TBC1D4: variants seen among roughly 807,000 people sequenced by gnomAD.
TBC1D4 encodes TBC1 domain family member 4, also known as TBC (Tre-2, BUB2, CDC16) domain-containing protein.
Under a neutral mutation model 142.5 loss-of-function variants are expected in TBC1D4, and 121 were observed. That is an observed-to-expected ratio of 0.85 (90% CI 0.73 to 0.99). TBC1D4 has a LOEUF of 0.99. TBC1D4 is among the 50% of genes least tolerant of loss of function. The pLI is 0.00. For missense variants in TBC1D4, 1,475 were observed against 1,606.6 expected (o/e 0.92, Z 1.40); for synonymous variants, 630 against 628.2 (o/e 1.00, Z -0.04).
At chr13:75,327,871 T>C (rs1443735831) in intron 8 of TBC1D4, 45 bp from the exon 9 acceptor site, 1 of 1,597,998 alleles carries the variant, frequency 6.3e-7, no homozygotes, top group South Asian at 1.1e-5. Flanking sequence ...GATTTAAAAT[T>C]TTACTTCAAA....
intron 1 of TBC1D4, among the ~76,000 whole-genome samples, chr13:75,411,051 A>G (rs185750013): frequency 1.3e-5 from 2 of 152,028 alleles, no homozygotes; most frequent in African/African-American, 2.4e-5. Flanking sequence ...GCTAAAGCTT[A>G]TCAGGCCACA....
At chr13:75,450,499 T>C (rs540755295) in intron 1 of TBC1D4, among the ~76,000 whole-genome samples, 2 of 152,188 alleles carry the variant, frequency 1.3e-5, no homozygotes, top group Non-Finnish European at 2.9e-5. Flanking sequence ...TCCAGGAAAT[T>C]TCAAATAGAA....
chr13:75,447,923 G>T (rs1316939249), intron 1 of TBC1D4, among the ~76,000 whole-genome samples: 1 of 152,122 alleles, frequency 6.6e-6, no homozygotes, highest in Admixed American at 6.5e-5. Flanking sequence ...CCAGCTCAGG[G>T]TTCCCACTGA....
chr13:75,306,851 AAT>A (rs909043221), intron 14 of TBC1D4, among the ~76,000 whole-genome samples: 6 of 152,230 alleles, frequency 3.9e-5, no homozygotes, highest in Non-Finnish European at 8.8e-5. Flanking sequence ...TGATTTGAAA[AAT>A]ATATGACCAT....
intron 8 of TBC1D4, among the ~76,000 whole-genome samples, chr13:75,329,398 C>T (rs1301157835): frequency 6.6e-6 from 1 of 151,696 alleles, no homozygotes; most frequent in African/African-American, 2.4e-5. Context: ...CCTCCCCTCC[C>T]CTTCCCTCCC....
chr13:75,308,564 C>A (rs1877408121), intron 14 of TBC1D4, among the ~76,000 whole-genome samples: 1 of 152,264 alleles, frequency 6.6e-6, no homozygotes, highest in Middle Eastern at 3.4e-3. Context: ...CTGAAACCAC[C>A]TTTTGATATT....
chr13:75,346,956 CATTT>C lies in TBC1D4; in HGVS notation c.1408+2210_1408+2213del, dbSNP rs531529122. On this transcript the variant is annotated intron_variant, in intron 5 of 20. Transcript: ENST00000377636. Reference sequence around the variant, plus strand: ...TACTACTAATTATGCCATTGATCGACATTTAGATCATTTCCAATTTTCCATTATT... The same window carrying C: ...TACTACTAATTATGCCATTGATCGACAGATCATTTCCAATTTTCCATTATT... Among the ~76,000 whole-genome samples the C allele has an allele frequency of 2.7e-3, 417 of 152,246 alleles. 4 individuals carry two copies. Among genetic ancestry groups the C allele is most frequent in the South Asian group, 8.7e-3 (42 of 4,830 alleles).
chr13:75,315,403 CAT>C (rs72058258), intron 12 of TBC1D4, among the ~76,000 whole-genome samples: 105,913 of 144,280 alleles, frequency 0.73, 41,996 homozygotes, highest in South Asian at 0.93. Context: ...TATATACACA[CAT>C]ATATATATAT....
intron 1 of TBC1D4, among the ~76,000 whole-genome samples, chr13:75,421,565 G>A (rs2138121744): frequency 1.3e-5 from 2 of 152,214 alleles, no homozygotes; most frequent in Admixed American, 1.3e-4. Context: ...AATTATTTTT[G>A]CTAAGAACAA....
At chr13:75,439,987 T>A (rs1468488331) in intron 1 of TBC1D4, among the ~76,000 whole-genome samples, 1 of 152,222 alleles carries the variant, frequency 6.6e-6, no homozygotes, top group Non-Finnish European at 1.5e-5. Flanking sequence ...GAAAAGATTC[T>A]TGTACACTTA....
chr13:75,393,770 A>G (rs1240905939), intron 1 of TBC1D4, among the ~76,000 whole-genome samples: 1 of 152,126 alleles, frequency 6.6e-6, no homozygotes, highest in Non-Finnish European at 1.5e-5. Flanking sequence ...CAACTCTACT[A>G]AAAATACAAA....
At chr13:75,347,344 T>C (rs1330660327) in intron 5 of TBC1D4, among the ~76,000 whole-genome samples, 2 of 152,210 alleles carry the variant, frequency 1.3e-5, no homozygotes, top group Non-Finnish European at 2.9e-5. Flanking sequence ...TACTGCGTGG[T>C]TTTATCTTTT....
intron 1 of TBC1D4, among the ~76,000 whole-genome samples, chr13:75,401,407 C>T (rs9530431): frequency 1 from 151,557 of 152,310 alleles, 75,408 homozygotes; most frequent in Middle Eastern, 1. Context: ...AAGGTCCACC[C>T]ACATAACTAT....
chr13:75,460,932 A>G (rs757890898), intron 1 of TBC1D4, among the ~76,000 whole-genome samples: 5 of 152,134 alleles, frequency 3.3e-5, no homozygotes, highest in Non-Finnish European at 7.4e-5. Flanking sequence ...CAAAAAAACA[A>G]CAAAAAAGGA....
chr13:75,479,147 C>G (rs1302801317), intron 1 of TBC1D4, among the ~76,000 whole-genome samples: 1 of 152,154 alleles, frequency 6.6e-6, no homozygotes, highest in African/African-American at 2.4e-5. Context: ...CTCACTCAAC[C>G]CTCTTCTTTG....
At chr13:75,385,567 C>G (rs988766613) in intron 1 of TBC1D4, among the ~76,000 whole-genome samples, 1 of 152,210 alleles carries the variant, frequency 6.6e-6, no homozygotes, top group East Asian at 1.9e-4. Flanking sequence ...AAAGCAAATA[C>G]ATGAACAATT....
chr13:75,298,836 C>CT (rs1331985052), intron 17 of TBC1D4, among the ~76,000 whole-genome samples: 1 of 152,052 alleles, frequency 6.6e-6, no homozygotes, highest in Non-Finnish European at 1.5e-5. Context: ...CTGTAAAGGC[C>CT]TATCTTACAT....
chr13:75,312,651 T>A lies in TBC1D4; in HGVS notation c.2383+87A>T, dbSNP rs190243295. On this transcript the variant is annotated intron_variant, in intron 13 of 20. Coordinates refer to ENST00000377636, the MANE Select transcript of TBC1D4 (RefSeq NM_014832.5). ...AAGATATTTCTACACTGTAATCACT[T>A]AAATCTCTTTATACACAGCACGTGC... The A allele has an allele frequency of 3.9e-6, 6 of 1,542,386 alleles. No homozygotes were observed. In the East Asian group the frequency reaches 1.1e-4, roughly 29 times the overall value.
chr13:75,359,592 G>A (rs2138159648), intron 3 of TBC1D4, among the ~76,000 whole-genome samples, 177 bp downstream of exon 3: 1 of 152,264 alleles, frequency 6.6e-6, no homozygotes, highest in Non-Finnish European at 1.5e-5. Flanking sequence ...GCAGGATTTT[G>A]GTGCTGCCAT....
Sources: allele counts gnomAD v4.1 joint callset (sites outside exome capture counted in the v4.1 genomes callset), GRCh38; gene constraint gnomAD v4.1.1; transcripts MANE v1.5; gene names NCBI Gene and HGNC (gene_info 2026-07-23, HGNC 2026-07-21).